The following CCDC15 variants were observed in gnomAD, a reference collection of about 807,000 sequenced individuals.
CCDC15 encodes the protein coiled-coil domain-containing protein 15.
Under a neutral mutation model 114.5 loss-of-function variants are expected in CCDC15, and 105 were observed. The observed-to-expected ratio is 0.92, with a 90% CI of 0.78 to 1.08. CCDC15 has a LOEUF of 1.08. Ranked by LOEUF, CCDC15 falls within the 50% of genes least tolerant of loss-of-function variation. CCDC15 has a pLI of 0.00. For synonymous variants in CCDC15, 334 were observed against 377.8 expected (o/e 0.88, Z 1.34); for missense variants, 1,105 against 1,093.6 (o/e 1.01, Z -0.15).
chr11:125,021,914 T>A (rs897025099), intron 13 of CCDC15, among the ~76,000 whole-genome samples: 1 of 151,922 alleles, frequency 6.6e-6, no homozygotes, highest in African/African-American at 2.4e-5. Flanking sequence ...AAACTTCAAT[T>A]TGATTCATTA....
At chr11:124,959,448 T>G (rs1947617870) in intron 3 of CCDC15, among the ~76,000 whole-genome samples, 184 bp downstream of exon 3, 1 of 152,202 alleles carries the variant, frequency 6.6e-6, no homozygotes, top group Non-Finnish European at 1.5e-5. Flanking sequence ...TCTGACTCAA[T>G]TTTTTGCTTT....
Position 125,040,887 on chromosome 11 carries a change from A to G in CCDC15, c.*176A>G. The stretch of plus-strand genomic sequence containing the variant: ...TCTCTGTCTGGGAACCAAGATTGAA[A>G]GCTGACTTACTTCTCTCTTCTGTCT... On this transcript the variant is annotated 3_prime_UTR_variant, in exon 16 of 16. Transcript: ENST00000344762. The G allele has an allele frequency of 1.6e-6, 1 of 629,862 alleles. No individual in the cohort carries two copies. The highest frequency in any genetic ancestry group is 2.7e-6 in the Non-Finnish European group (1 of 373,166). The allele number at this position is 629,862 out of a possible 1,614,324, so 39.0% of individuals were successfully genotyped here.
intron 1 of CCDC15, 126 bp from the exon 2 acceptor site, chr11:124,954,598 A>T (rs1947514532): frequency 2.9e-6 from 2 of 689,878 alleles, no homozygotes; most frequent in African/African-American, 3.6e-5. Context: ...GTGTGTTTCC[A>T]CTTCATGCCA....
intron 11 of CCDC15, among the ~76,000 whole-genome samples, chr11:125,002,016 C>T (rs1418654302): frequency 6.6e-6 from 1 of 152,164 alleles, no homozygotes; most frequent in Non-Finnish European, 1.5e-5. Context: ...TTTTCATTCC[C>T]ACCAGCGGTA....
intron 13 of CCDC15, among the ~76,000 whole-genome samples, chr11:125,019,710 CAG>C (rs1461211122): frequency 1.3e-5 from 2 of 151,856 alleles, no homozygotes; most frequent in Non-Finnish European, 2.9e-5. Context: ...TACTATAAAA[CAG>C]ATTTGCCAGG....
At chr11:125,039,414 A>C (rs1948800544) in intron 15 of CCDC15, 1 of 192,926 alleles carries the variant, frequency 5.2e-6, no homozygotes, top group South Asian at 1.8e-4. Flanking sequence ...CAAATACTTT[A>C]ATGGTATGTA....
rs895425370 is a variant in CCDC15 at position 124,959,321 on chromosome 11, A to G, written c.327+57A>G. ...GAATGGAAAATATGTGTGTTATGAGATAAGCTATTAGGCAGTAACAGAATT... is the reference window on the plus strand; with the variant it reads ...GAATGGAAAATATGTGTGTTATGAGGTAAGCTATTAGGCAGTAACAGAATT... On this transcript the variant is annotated intron_variant, in intron 3 of 15. Coordinates refer to ENST00000344762, the MANE Select transcript of CCDC15 (RefSeq NM_025004.3). The G allele has an allele frequency of 3.0e-5, 42 of 1,403,028 alleles. No individual in the cohort carries two copies. In the African/African-American group the frequency reaches 5.2e-4, roughly 17 times the overall value. The allele number at this position is 1,403,028 out of a possible 1,614,324, so 86.9% of individuals were successfully genotyped here.
intron 13 of CCDC15, chr11:125,037,464 ACT>A (rs1294803817): frequency 4.0e-5 from 6 of 151,238 alleles, no homozygotes; most frequent in African/African-American, 9.8e-5. Context: ...GTACCAGGAG[ACT>A]CTCTGTTCAT....
intron 6 of CCDC15, among the ~76,000 whole-genome samples, chr11:124,978,147 A>G (rs1468362186): frequency 2.6e-5 from 4 of 152,178 alleles, no homozygotes; most frequent in African/African-American, 9.7e-5. Context: ...TTTGCTTAGG[A>G]TAATGGCCTC....
At chr11:124,973,009 C>G (rs549082109) in intron 4 of CCDC15, among the ~76,000 whole-genome samples, 1 of 152,264 alleles carries the variant, frequency 6.6e-6, no homozygotes, top group African/African-American at 2.4e-5. Flanking sequence ...GGGATTAACA[C>G]CTGGTATCTT....
intron 4 of CCDC15, 31 bp downstream of exon 4, chr11:124,960,034 A>G (rs1947631422): frequency 2.0e-6 from 3 of 1,492,322 alleles, no homozygotes; most frequent in South Asian, 1.3e-5. Context: ...TTTTATGTCT[A>G]TGATATTTTC....
intron 6 of CCDC15, among the ~76,000 whole-genome samples, chr11:124,982,695 C>G (rs772761937): frequency 1.3e-5 from 2 of 152,160 alleles, no homozygotes; most frequent in Non-Finnish European, 2.9e-5. Flanking sequence ...GATGACCTAT[C>G]TCTTCTCCCT....
intron 13 of CCDC15, among the ~76,000 whole-genome samples, chr11:125,031,162 TTCCCTTCAGGTCTG>T (rs2135541350): frequency 6.6e-6 from 1 of 152,348 alleles, no homozygotes; most frequent in East Asian, 1.9e-4. Context: ...CTGGGAAGAT[TTCCCTTCAGGTCTG>T]TCCATCAGGG....
Position 125,031,273 on chromosome 11 carries a change from G to A in CCDC15, c.2412-7158G>A, listed in dbSNP as rs183497719. ...TGCAGAACCATCTGTGAACCAGGCC[G>A]TAGTCTTCTCTTCCTCTGCCAGTTG... On this transcript the variant is annotated intron_variant, in intron 13 of 15. Transcript: ENST00000344762. Among the ~76,000 whole-genome samples the A allele has an allele frequency of 4.6e-5, 7 of 152,332 alleles. No homozygotes were observed. The East Asian group carries it at 5.8e-4, about 13-fold the overall frequency.
rs542072549 is a variant in CCDC15, at chr11:124,971,062, G to T, written c.517-4034G>T. 2.0e-5 allele frequency among the ~76,000 whole-genome samples: 3 copies of T among 152,258 alleles called. No individual in the cohort carries two copies. The South Asian group carries it at 6.2e-4, about 32-fold the overall frequency. On this transcript the variant is annotated intron_variant, in intron 4 of 15. Transcript: ENST00000344762. ...GTCAGCTAAGGCTAGGGAGGAAGTT[G>T]CCTAAGGCCGCCCCTTTAATAGGGC... is the stretch of plus-strand genomic sequence containing the variant.
intron 11 of CCDC15, among the ~76,000 whole-genome samples, chr11:125,000,967 A>G (rs1037718688): frequency 6.6e-6 from 1 of 152,174 alleles, no homozygotes; most frequent in African/African-American, 2.4e-5. Flanking sequence ...AATATATATG[A>G]TTGATCCGTT....
intron 9 of CCDC15, 137 bp from the exon 10 acceptor site, chr11:124,992,443 C>G: frequency 1.7e-6 from 1 of 602,912 alleles, no homozygotes; most frequent in Non-Finnish European, 2.9e-6. Flanking sequence ...GTAACATCTC[C>G]CTCATATCAA....
rs1367504261 is a variant in CCDC15, at chr11:124,987,871, A to G, written c.1645A>G (p.Lys549Glu). 5 of 1,613,918 alleles carry G rather than the reference A, an allele frequency of 3.1e-6. No individual in the cohort carries two copies. In the Admixed American group the frequency reaches 6.7e-5, roughly 22 times the overall value. ...ATCTAGAGACCAGCATGTTCTCCCC[A>G]AAGACTGGAATATTCTACCCAAATG... ...FLSRDQHVLP[K>E]DWNILPKCQD... The change falls in exon 8 of 16, where the codon AAA becomes GAA. Residue 549 changes from lysine to glutamate, a missense_variant. Coordinates refer to ENST00000344762, the MANE Select transcript of CCDC15 (RefSeq NM_025004.3).
At chr11:124,999,026 T>G (rs1290067268) in intron 11 of CCDC15, among the ~76,000 whole-genome samples, 1 of 152,036 alleles carries the variant, frequency 6.6e-6, no homozygotes, top group Non-Finnish European at 1.5e-5. Context: ...CGTGAACCAC[T>G]GCGCCCGGCC....
Sources: gnomAD v4.1 joint callset for allele counts (sites outside exome capture counted in the v4.1 genomes callset) on GRCh38, gnomAD v4.1.1 for gene constraint, MANE v1.5 for transcripts, NCBI Gene and HGNC (gene_info 2026-07-23, HGNC 2026-07-21) for gene names.